ST3GAL3: variants seen among roughly 807,000 people sequenced by gnomAD.
The protein encoded by ST3GAL3 is ST3 beta-galactoside alpha-2,3-sialyltransferase 3, also known as CMP-N-acetylneuraminate-beta-1,4-galactoside alpha-2,3-sialyltransferase.
ST3GAL3 carries 21 observed loss-of-function variants against 50.1 expected under a neutral mutation model. The ratio of observed to expected loss-of-function variants is 0.42; its 90% CI spans 0.30 to 0.60. The LOEUF (loss-of-function observed/expected upper bound fraction) is 0.60. Ranked by LOEUF, ST3GAL3 falls within the 20% of genes least tolerant of loss-of-function variation. ST3GAL3 has a pLI of 0.19. For synonymous variants in ST3GAL3, 183 were observed against 190.0 expected, an observed-to-expected ratio of 0.96 and a Z score of 0.30; for missense variants, 353 against 489.4, an observed-to-expected ratio of 0.72 and a Z score of 2.63.
At chr1:43,867,746 T>C (rs532487991) in intron 5 of ST3GAL3, among the ~76,000 whole-genome samples, 2 of 152,368 alleles carry the variant, frequency 1.3e-5, no homozygotes, top group South Asian at 2.1e-4. Flanking sequence ...TCTGGCCCAG[T>C]TGACATATTT....
chr1:43,881,766 G>A (rs2075175849), intron 5 of ST3GAL3, among the ~76,000 whole-genome samples: 1 of 152,002 alleles, frequency 6.6e-6, no homozygotes, highest in Admixed American at 6.5e-5. Context: ...GGTGGGGGCA[G>A]TAGCTGGCAG....
intron 1 of ST3GAL3, among the ~76,000 whole-genome samples, chr1:43,719,866 G>A (rs1669479552): frequency 6.7e-6 from 1 of 148,940 alleles, no homozygotes; most frequent in African/African-American, 2.5e-5. Flanking sequence ...CTGAGAGGCG[G>A]AGGTTTCAGT....
At chr1:43,923,623 C>T (rs1273785196) in intron 11 of ST3GAL3, among the ~76,000 whole-genome samples, 2 of 151,998 alleles carry the variant, frequency 1.3e-5, no homozygotes, top group Non-Finnish European at 2.9e-5. Flanking sequence ...GAGTCTCTCT[C>T]TTTTCTTTTT....
chr1:43,777,777 A>T (rs1697827354), intron 2 of ST3GAL3, among the ~76,000 whole-genome samples: 1 of 152,242 alleles, frequency 6.6e-6, no homozygotes, highest in Admixed American at 6.5e-5. Flanking sequence ...TAAACTAAAG[A>T]ATTTTTGCAC....
intron 5 of ST3GAL3, among the ~76,000 whole-genome samples, chr1:43,865,275 C>T (rs1440500588): frequency 5.9e-5 from 9 of 152,260 alleles, no homozygotes; most frequent in African/African-American, 1.9e-4. Context: ...GCCTCGGCCT[C>T]CCAAAGTGCT....
chr1:43,920,407 G>C lies in ST3GAL3; in HGVS notation c.748G>C (p.Ala250Pro), dbSNP rs150976790. The stretch of plus-strand genomic sequence containing the variant: ...CCCGCTTTTGCTGTGTCCACAGAGT[G>C]CATCGGATGGCTTCTGGAAATCTGT... ...KYIVYKERVSASDGFWKSVAT... is the reference protein window; with the variant it reads ...KYIVYKERVSPSDGFWKSVAT... Residue 250 changes from alanine (A) to proline (P), a missense_variant, in exon 10 of 12, where the codon GCA (alanine) becomes CCA (proline). Physicochemically the swap from Ala to Pro is conservative, Grantham distance 27. Transcript: ENST00000347631. 42 of 1,614,092 alleles carry C rather than the reference G, an allele frequency of 2.6e-5. No homozygotes were observed. In the African/African-American group the frequency reaches 5.2e-4, roughly 20 times the overall value.
Position 43,910,909 on chromosome 1 carries a change from G to T in ST3GAL3, c.745-9495G>T, listed in dbSNP as rs184650777. The stretch of plus-strand genomic sequence containing the variant: ...GCCGTGGAGTGAAGAGGAATATGCA[G>T]AGCCAAGAGGGATGTGCCCACCCCA... On this transcript the variant is annotated intron_variant, in intron 9 of 11. Coordinates refer to ENST00000347631, the MANE Select transcript of ST3GAL3 (RefSeq NM_006279.5). 3.6e-3 allele frequency among the ~76,000 whole-genome samples: 543 copies of T among 152,300 alleles called. 5 individuals carry two copies. The highest frequency in any genetic ancestry group is 0.013 in the African/African-American group (525 of 41,552).
intron 2 of ST3GAL3, among the ~76,000 whole-genome samples, chr1:43,764,424 G>T (rs2154124753): frequency 6.6e-6 from 1 of 152,168 alleles, no homozygotes; most frequent in East Asian, 1.9e-4. Flanking sequence ...ACACAATATT[G>T]CATCGGGATA....
At chr1:43,728,156 G>A (rs1325283777) in intron 1 of ST3GAL3, among the ~76,000 whole-genome samples, 1 of 152,094 alleles carries the variant, frequency 6.6e-6, no homozygotes, top group Non-Finnish European at 1.5e-5. Flanking sequence ...AATTTGCTTA[G>A]GATGATGGCC....
At chr1:43,903,342 C>G (rs1338109361) in intron 9 of ST3GAL3, among the ~76,000 whole-genome samples, 1 of 152,210 alleles carries the variant, frequency 6.6e-6, no homozygotes, top group Non-Finnish European at 1.5e-5. Context: ...CCATCCCCAT[C>G]CCTCAGGCCC....
At chr1:43,713,600 G>A (rs11589270) in intron 1 of ST3GAL3, among the ~76,000 whole-genome samples, 5 of 141,902 alleles carry the variant, frequency 3.5e-5, no homozygotes, top group South Asian at 2.3e-4. Context: ...ATATGATCAC[G>A]ATTCACTGCA....
In ST3GAL3 at chr1:43,813,937, C is replaced by A. The variant is rs2060929525; in HGVS notation, c.167-954C>A. Among the ~76,000 whole-genome samples the A allele has an allele frequency of 2.7e-5, 4 of 147,636 alleles. No homozygotes were observed. The South Asian group carries it at 6.4e-4, about 24-fold the overall frequency. Reference sequence around the variant, plus strand: ...CACACACACACACACACACACACTGCAACTATGGAGCAGAGCCATAAGAAA... The same window carrying A: ...CACACACACACACACACACACACTGAAACTATGGAGCAGAGCCATAAGAAA... On this transcript the variant is annotated intron_variant, in intron 3 of 11. Transcript: ENST00000347631.
chr1:43,742,720 C>T (rs887274860), intron 2 of ST3GAL3, among the ~76,000 whole-genome samples: 1 of 152,118 alleles, frequency 6.6e-6, no homozygotes, highest in African/African-American at 2.4e-5. Flanking sequence ...AATGAGTAGT[C>T]TCAGCAGAGA....
chr1:43,833,768 G>A (rs567446057), intron 4 of ST3GAL3, among the ~76,000 whole-genome samples: 10 of 152,276 alleles, frequency 6.6e-5, no homozygotes, highest in African/African-American at 2.4e-4. Context: ...ATGAAGGTCT[G>A]CCCTAGGTGG....
At chr1:43,857,568 T>C (rs12745848) in intron 5 of ST3GAL3, among the ~76,000 whole-genome samples, 4,239 of 34,444 alleles carry the variant, frequency 0.12, 214 homozygotes, top group East Asian at 0.35. Flanking sequence ...TCCTTCCTTC[T>C]TTCTTTCCTT....
intron 3 of ST3GAL3, among the ~76,000 whole-genome samples, chr1:43,810,398 G>A (rs985920833): frequency 6.6e-5 from 10 of 152,248 alleles, no homozygotes; most frequent in African/African-American, 2.4e-4. Flanking sequence ...AGACGGGTAG[G>A]CCGGGTGGTT....
At chr1:43,732,964 G>A (rs530746896) in intron 1 of ST3GAL3, among the ~76,000 whole-genome samples, 1 of 147,118 alleles carries the variant, frequency 6.8e-6, no homozygotes, top group East Asian at 2.0e-4. Flanking sequence ...CAGTACTTGT[G>A]ACTTCATAAA....
chr1:43,857,533 C>T (rs1430961569), intron 5 of ST3GAL3, among the ~76,000 whole-genome samples: 3 of 118,744 alleles, frequency 2.5e-5, no homozygotes, highest in Non-Finnish European at 3.6e-5. Flanking sequence ...CCTCCTCCTT[C>T]CCTCCCTCCC....
chr1:43,845,203 G>A (rs11210931), intron 5 of ST3GAL3, among the ~76,000 whole-genome samples: 84,635 of 151,964 alleles, frequency 0.56, 26,819 homozygotes, highest in Non-Finnish European at 0.72. Context: ...GGCTGGTCTC[G>A]AACTCCTGGC....
Sources: gnomAD v4.1 joint callset for allele counts (sites outside exome capture counted in the v4.1 genomes callset) on GRCh38, gnomAD v4.1.1 for gene constraint, MANE v1.5 for transcripts, NCBI Gene and HGNC (gene_info 2026-07-23, HGNC 2026-07-21) for gene names.